Variants in ACTA2 observed in about 807,000 individuals in gnomAD.
The protein encoded by ACTA2 is actin alpha 2, smooth muscle.
In ACTA2, 12 loss-of-function variants were observed where a neutral mutation model predicts 39.5. The ratio of observed to expected loss-of-function variants is 0.30; its 90% CI spans 0.19 to 0.49. The LOEUF is 0.49. Among genes scored for constraint, ACTA2 ranks in the 20% least tolerant of loss-of-function variants. The probability of loss-of-function intolerance (pLI) is 0.99; values close to 1 mark genes in which losing one functional copy is unlikely to be tolerated. For synonymous variants in ACTA2, 158 were observed against 180.6 expected (o/e 0.88, Z 1.00); for missense variants, 236 against 498.8 (o/e 0.47, Z 5.02).
At chr10:88,987,149 C>G (rs759724689) in intron 1 of ACTA2, among the ~76,000 whole-genome samples, 5 of 152,130 alleles carry the variant, frequency 3.3e-5, no homozygotes, top group Non-Finnish European at 7.3e-5. Context: ...CTGACGCCCT[C>G]TAGTGACAGA....
In ACTA2 at chr10:88,935,124, A is replaced by C; in HGVS notation, c.*99T>G. The stretch of plus-strand genomic sequence containing the variant: ...TTAAAAAACACATAGGTAACGAGTC[A>C]GAGCTTTGGCTAGGAATGATTTGGA... On this transcript the variant is annotated 3_prime_UTR_variant, in exon 9 of 9. Coordinates refer to ENST00000224784, the MANE Select transcript of ACTA2 (RefSeq NM_001613.4). The C allele has an allele frequency of 1.3e-6, 2 of 1,543,286 alleles. No homozygotes were observed. Among genetic ancestry groups the C allele is most frequent in the Non-Finnish European group, 1.8e-6 (2 of 1,122,358 alleles).
Position 88,939,589 on chromosome 10 carries a change from G to A in ACTA2, c.726C>T (p.Tyr242=), listed in dbSNP as rs752705172. The A allele has an allele frequency of 1.7e-5, 28 of 1,613,946 alleles. No homozygotes were observed. The highest frequency in any genetic ancestry group is 2.2e-5 in the East Asian group (1 of 44,848). The change falls in exon 7 of 9, where the codon TAC becomes TAT. Residue 242 remains tyrosine (Y), a synonymous_variant. Transcript: ENST00000224784. The stretch of plus-strand genomic sequence containing the variant: ...TGATCACTTGCCCATCAGGCAACTC[G>A]TAACTCTTCTCAAGGGAGGATGAGG... ...AASSSSLEKS[Y]ELPDGQVITI...
At chr10:88,984,891 A>C (rs1846830926) in intron 1 of ACTA2, among the ~76,000 whole-genome samples, 1 of 152,230 alleles carries the variant, frequency 6.6e-6, no homozygotes, top group Non-Finnish European at 1.5e-5. Context: ...AAGTTTAAAA[A>C]ATATGGTATT....
intron 1 of ACTA2, among the ~76,000 whole-genome samples, chr10:88,986,495 T>C (rs767526628): frequency 1.3e-5 from 2 of 152,214 alleles, no homozygotes; most frequent in Non-Finnish European, 2.9e-5. Context: ...TAGGTTAGTA[T>C]ACCAGTTTTC....
chr10:88,937,658 A>T (rs1340153934), intron 8 of ACTA2, among the ~76,000 whole-genome samples: 1 of 152,148 alleles, frequency 6.6e-6, no homozygotes, highest in Non-Finnish European at 1.5e-5. Context: ...GCTCCTCCTA[A>T]ATCTACAGTG....
At chr10:88,982,890 G>C (rs947545642) in intron 1 of ACTA2, among the ~76,000 whole-genome samples, 2 of 152,120 alleles carry the variant, frequency 1.3e-5, no homozygotes, top group African/African-American at 4.8e-5. Flanking sequence ...GTAAAAGTGG[G>C]GTTAATTGGT....
At position 88,945,881 on chromosome 10, in the gene ACTA2, T is replaced by C. The variant is rs3781206; in HGVS notation, c.258+1377A>G. Reference sequence around the variant, plus strand: ...CCAGCATTTCAAGCCCCTTTAGCTATATTGCACTGAGAGGGATAACCATGC... The same window carrying C: ...CCAGCATTTCAAGCCCCTTTAGCTACATTGCACTGAGAGGGATAACCATGC... On this transcript the variant is annotated intron_variant, in intron 3 of 8. Coordinates refer to ENST00000224784, the MANE Select transcript of ACTA2 (RefSeq NM_001613.4). Among the ~76,000 whole-genome samples, 1,277 of 152,304 alleles carry C rather than the reference T, an allele frequency of 8.4e-3. 40 individuals are homozygous for C. The East Asian group carries it at 0.12, about 14-fold the overall frequency.
intron 1 of ACTA2, among the ~76,000 whole-genome samples, chr10:88,978,305 C>T (rs868206471): frequency 2.9e-4 from 42 of 145,956 alleles, no homozygotes; most frequent in Middle Eastern, 3.5e-3. Flanking sequence ...TGCTAGATGA[C>T]GAGTTAGTGG....
chr10:88,953,148 A>G (rs1846079514), upstream of ACTA2, among the ~76,000 whole-genome samples: 1 of 152,188 alleles, frequency 6.6e-6, no homozygotes, highest in Admixed American at 6.5e-5. Flanking sequence ...TTCCTAATAA[A>G]CTGAGAACAG....
chr10:88,980,199 T>C (rs1410688994), intron 1 of ACTA2, among the ~76,000 whole-genome samples: 1 of 151,802 alleles, frequency 6.6e-6, no homozygotes, highest in Non-Finnish European at 1.5e-5. Context: ...GAGTGGAACA[T>C]GAGCAGGAAT....
Position 88,990,721 on chromosome 10 carries a change from C to G in ACTA2, c.-24+218G>C, listed in dbSNP as rs575570390. On this transcript the variant is annotated intron_variant, in intron 1 of 4. Transcript: ENST00000415557. The surrounding 1 kb of genome is among the most constrained non-coding windows in gnomAD (Gnocchi z 4.9). The stretch of plus-strand genomic sequence containing the variant: ...AGTGAGGGAAGCGGTTTACGAGTGA[C>G]TTGGCTGGAGCCTCAGGGGCGGGCA... 4.0e-5 allele frequency: 34 copies of G among 849,072 alleles called. 1 individual carries two copies. The South Asian group carries it at 4.7e-4, about 12-fold the overall frequency. 52.6% of individuals were successfully genotyped at this position (849,072 alleles called of 1,614,324 possible). A position where few individuals can be genotyped will look rare whatever the true frequency, so the allele number is the denominator to read the frequency against.
intron 1 of ACTA2, among the ~76,000 whole-genome samples, chr10:88,960,083 T>G (rs115575823): frequency 2.7e-4 from 41 of 152,336 alleles, no homozygotes; most frequent in African/African-American, 9.9e-4. Flanking sequence ...ATTATTTTTC[T>G]GTCAGTATCT....
At position 88,947,921 on chromosome 10, in the gene ACTA2, G is replaced by A. The variant is rs370362836; in HGVS notation, c.130-535C>T. 5.3e-4 allele frequency among the ~76,000 whole-genome samples: 80 copies of A among 152,214 alleles called. No individual in the cohort carries two copies. In the South Asian group the frequency reaches 0.016, roughly 31 times the overall value. On this transcript the variant is annotated intron_variant, in intron 2 of 8. Transcript: ENST00000224784. The stretch of plus-strand genomic sequence containing the variant: ...TTGAGGCTTGATTTCTAATGGATAA[G>A]TTCATACCAATCAACTGTTAAGACA...
chr10:88,980,939 A>G (rs1009343339), intron 1 of ACTA2, among the ~76,000 whole-genome samples: 6 of 152,212 alleles, frequency 3.9e-5, no homozygotes, highest in Non-Finnish European at 7.3e-5. Context: ...AAGGTCACAA[A>G]GGGATAAAGT....
intron 4 of ACTA2, among the ~76,000 whole-genome samples, chr10:88,942,589 G>A (rs1845875819): frequency 6.6e-6 from 1 of 152,142 alleles, no homozygotes; most frequent in Non-Finnish European, 1.5e-5. Flanking sequence ...GCAGTCCAGG[G>A]ACAAGATTAG....
intron 1 of ACTA2, among the ~76,000 whole-genome samples, chr10:88,989,997 T>G (rs56049720): frequency 8.6e-5 from 13 of 151,858 alleles, no homozygotes; most frequent in Non-Finnish European, 1.9e-4. Context: ...AATTACAAGA[T>G]TTTTTTTTAA....
chr10:88,966,707 G>A (rs546328141), intron 1 of ACTA2, among the ~76,000 whole-genome samples: 6 of 152,280 alleles, frequency 3.9e-5, no homozygotes, highest in Admixed American at 1.3e-4. Context: ...TTCCTCATCT[G>A]CAAAATGACA....
In ACTA2 at chr10:88,975,163, A is replaced by G. The variant is rs530608958; in HGVS notation, c.-24+15776T>C. On this transcript the variant is annotated intron_variant, in intron 1 of 4. Transcript: ENST00000415557. ...AATGCTGTCAACGATTAAAAAAAAA[A>G]AAAACTCTCAAGCAAGAGCAAACAA... The G allele has an allele frequency of 1.5e-3, 224 of 152,300 alleles. 1 individual carries two copies. The highest frequency in any genetic ancestry group is 4.6e-3 in the African/African-American group (191 of 41,564). 9.4% of individuals were successfully genotyped at this position (152,300 alleles called of 1,614,324 possible). A position where few individuals can be genotyped will look rare whatever the true frequency, so the allele number is the denominator to read the frequency against.
At chr10:88,938,292 G>A in intron 7 of ACTA2, 50 bp from the exon 8 acceptor site, 1 of 1,601,480 alleles carries the variant, frequency 6.2e-7, no homozygotes, top group East Asian at 2.2e-5. Context: ...TAAAACCCAG[G>A]CTAGACATGG....
Sources: allele counts gnomAD v4.1 joint callset (sites outside exome capture counted in the v4.1 genomes callset), GRCh38; gene constraint gnomAD v4.1.1; non-coding constraint Gnocchi (gnomAD v3.1); transcripts MANE v1.5; gene names NCBI Gene and HGNC (gene_info 2026-07-23, HGNC 2026-07-21).